Variants in LOXHD1 observed in about 807,000 individuals in gnomAD.
LOXHD1 encodes the protein lipoxygenase homology domain-containing protein 1.
A neutral mutation model predicts 248.2 loss-of-function variants in LOXHD1; 205 were observed. The observed-to-expected ratio is 0.83, with a 90% CI of 0.74 to 0.93. LOXHD1 has a LOEUF of 0.93. Among genes scored for constraint, LOXHD1 ranks in the 40% least tolerant of loss-of-function variants. The pLI is 0.00. For missense variants in LOXHD1, 2,930 were observed against 2,971.6 expected (o/e 0.99, Z 0.33); for synonymous variants, 1,113 against 1,162.8 (o/e 0.96, Z 0.87).
In LOXHD1 at chr18:46,483,672, C is replaced by G; in HGVS notation, c.6256G>C (p.Ala2086Pro). 1.3e-6 allele frequency: 2 copies of G among 1,551,718 alleles called. No individual in the cohort carries two copies. The highest frequency in any genetic ancestry group is 1.7e-6 in the Non-Finnish European group (2 of 1,146,986). The change falls in exon 40 of 41, where the codon GCC becomes CCC. Residue 2086 changes from alanine to proline, a missense_variant. Coordinates refer to ENST00000642948, the MANE Select transcript of LOXHD1 (RefSeq NM_001384474.1). ...DIASLCVGHL[A>P]REDRFIPKRE... ...TTGGGGATAAACCGGTCTTCCCTGG[C>G]AAGGTGGCCCACACAGAGGGAGGCA...
Position 46,541,718 on chromosome 18 carries a change from G to A in LOXHD1, c.3913+58C>T, listed in dbSNP as rs150994738. On this transcript the variant is annotated intron_variant, in intron 25 of 40. Coordinates refer to ENST00000642948, the MANE Select transcript of LOXHD1 (RefSeq NM_001384474.1). The stretch of plus-strand genomic sequence containing the variant: ...CTGAAGGAAGAACTGGGGCTGAGTT[G>A]GGGTAGCTGGTGATGGGGCCCCAGA... The A allele has an allele frequency of 5.9e-3, 9,011 of 1,527,084 alleles. 54 individuals carry two copies. Among genetic ancestry groups the A allele is most frequent in the Middle Eastern group, 0.016 (87 of 5,612 alleles). 94.6% of individuals were successfully genotyped at this position (1,527,084 alleles called of 1,614,324 possible).
At chr18:46,633,249 CAG>C (rs777743307) in intron 4 of LOXHD1, among the ~76,000 whole-genome samples, 1 of 152,186 alleles carries the variant, frequency 6.6e-6, no homozygotes, top group Non-Finnish European at 1.5e-5. Flanking sequence ...AGTAATCAAA[CAG>C]TGTGGTAGTG....
chr18:46,603,383 A>T (rs1048837277), intron 7 of LOXHD1, among the ~76,000 whole-genome samples: 1 of 152,120 alleles, frequency 6.6e-6, no homozygotes, highest in Non-Finnish European at 1.5e-5. Flanking sequence ...CTCTGTGGGT[A>T]GGATGAATGG....
intron 37 of LOXHD1, among the ~76,000 whole-genome samples, chr18:46,501,054 G>T (rs1412603423): frequency 6.6e-6 from 1 of 152,158 alleles, no homozygotes; most frequent in Admixed American, 6.5e-5. Flanking sequence ...CAGGAATCTT[G>T]TCTGCTGCTC....
intron 25 of LOXHD1, among the ~76,000 whole-genome samples, chr18:46,541,183 T>C (rs909384582): frequency 3.3e-5 from 5 of 152,300 alleles, no homozygotes; most frequent in South Asian, 4.1e-4. Context: ...GTGTCAAAAC[T>C]TCACTAAATT....
chr18:46,595,009 A>G (rs2038235913), intron 8 of LOXHD1, among the ~76,000 whole-genome samples: 1 of 152,230 alleles, frequency 6.6e-6, no homozygotes, highest in South Asian at 2.1e-4. Context: ...GGCACACTAC[A>G]GAATCCTCTA....
chr18:46,528,964 C>T (rs1265929575), intron 29 of LOXHD1, among the ~76,000 whole-genome samples: 2 of 152,214 alleles, frequency 1.3e-5, no homozygotes, highest in Admixed American at 1.3e-4. Flanking sequence ...TCTGCTCCAC[C>T]TCATCCCCTA....
intron 39 of LOXHD1, among the ~76,000 whole-genome samples, chr18:46,484,755 T>TA (rs2032895001): frequency 1.3e-5 from 2 of 152,112 alleles, no homozygotes; most frequent in African/African-American, 2.4e-5. Context: ...CTTGTCTACG[T>TA]AGATGTGGGG....
At position 46,620,628 on chromosome 18, in the gene LOXHD1, T is replaced by C. The variant is rs532110283; in HGVS notation, c.512-2338A>G. 3.1e-4 allele frequency among the ~76,000 whole-genome samples: 46 copies of C among 150,582 alleles called. No homozygotes were observed. In the East Asian group the frequency reaches 5.7e-3, roughly 19 times the overall value. On this transcript the variant is annotated intron_variant, in intron 4 of 40. Coordinates refer to ENST00000642948, the MANE Select transcript of LOXHD1 (RefSeq NM_001384474.1). Reference sequence around the variant, plus strand: ...GGATGCCCTTGGGTTGGGGAGGGAGTTTCCCATCCCTAGAGACACCTGACA... The same window carrying C: ...GGATGCCCTTGGGTTGGGGAGGGAGCTTCCCATCCCTAGAGACACCTGACA...
rs1302400918 is a variant in LOXHD1 at position 46,518,266 on chromosome 18, G to A, written c.5272-10C>T. The A allele has an allele frequency of 1.9e-6, 3 of 1,550,652 alleles. No individual in the cohort carries two copies. The highest frequency in any genetic ancestry group is 2.6e-6 in the Non-Finnish European group (3 of 1,146,092). The stretch of plus-strand genomic sequence containing the variant: ...TCATTTCATAGAGAACCTGCCATGA[G>A]AGGAATGCAGGTGCTGAGTCTCAGC... On this transcript the variant is annotated splice_polypyrimidine_tract_variant and intron_variant, in intron 33 of 40. Transcript: ENST00000642948.
Position 46,657,134 on chromosome 18 carries a change from C to A in LOXHD1, c.-101G>T. 1 of 1,534,394 alleles carries A rather than the reference C, an allele frequency of 6.5e-7. No individual in the cohort carries two copies. The highest frequency in any genetic ancestry group is 1.2e-5 in the South Asian group (1 of 82,002). On this transcript the variant is annotated 5_prime_UTR_variant, in exon 1 of 41. Coordinates refer to ENST00000642948, the MANE Select transcript of LOXHD1 (RefSeq NM_001384474.1). The stretch of plus-strand genomic sequence containing the variant: ...CTCCCTGAGCTCTGGCGCCCACGGC[C>A]CTCCTATAGCTCAGGCCTGGGTGGG...
intron 26 of LOXHD1, 102 bp downstream of exon 26, chr18:46,538,054 T>C: frequency 9.5e-7 from 1 of 1,049,222 alleles, no homozygotes; most frequent in African/African-American, 1.6e-5. Flanking sequence ...CTAATAGCAG[T>C]GCATCAGGAT....
intron 12 of LOXHD1, among the ~76,000 whole-genome samples, chr18:46,585,516 A>G (rs1207480860): frequency 3.3e-5 from 5 of 152,176 alleles, no homozygotes; most frequent in Admixed American, 6.5e-5. Context: ...TCTGGAAACC[A>G]CAAAATATTT....
chr18:46,645,239 G>A (rs1196586570), intron 2 of LOXHD1, among the ~76,000 whole-genome samples: 1 of 152,232 alleles, frequency 6.6e-6, no homozygotes, highest in African/African-American at 2.4e-5. Flanking sequence ...CGGGTCAAAG[G>A]AAATCTTAGA....
At chr18:46,619,041 T>C (rs1223725086) in intron 4 of LOXHD1, among the ~76,000 whole-genome samples, 1 of 151,984 alleles carries the variant, frequency 6.6e-6, no homozygotes, top group African/African-American at 2.4e-5. Flanking sequence ...CCTGCCCAGG[T>C]CTCCCCAGCT....
chr18:46,639,717 C>A lies in LOXHD1; in HGVS notation c.410G>T (p.Arg137Leu). ...IVTDMKRPHL[R>L]YYFNCNNWLS... The stretch of plus-strand genomic sequence containing the variant: ...CCAGTTGTTGCAGTTGAAGTAGTAA[C>A]GGAGATGAGGCCTCTTCATGTCGGT... The change falls in exon 4 of 41, where the codon CGT (arginine) becomes CTT (leucine). Residue 137 changes from arginine to leucine, a missense_variant. By Grantham distance (102) the Arg-to-Leu change is moderately radical. Coordinates refer to ENST00000642948, the MANE Select transcript of LOXHD1 (RefSeq NM_001384474.1). 1.3e-6 allele frequency: 2 copies of A among 1,551,676 alleles called. No homozygotes were observed. The highest frequency in any genetic ancestry group is 1.7e-6 in the Non-Finnish European group (2 of 1,146,988).
intron 10 of LOXHD1, 136 bp downstream of exon 10, chr18:46,593,464 G>T: frequency 1.1e-6 from 1 of 895,048 alleles, no homozygotes; most frequent in Non-Finnish European, 1.7e-6. Flanking sequence ...CCCTTTGCAG[G>T]GACCTAAAAT....
At chr18:46,643,398 T>C (rs1003021638) in intron 2 of LOXHD1, among the ~76,000 whole-genome samples, 25 of 152,192 alleles carry the variant, frequency 1.6e-4, no homozygotes, top group Admixed American at 1.4e-3. Flanking sequence ...AGACAGAGAA[T>C]GTCGACTGTT....
chr18:46,480,498 G>A (rs1033502549), intron 40 of LOXHD1, among the ~76,000 whole-genome samples: 2 of 152,052 alleles, frequency 1.3e-5, no homozygotes, highest in African/African-American at 4.8e-5. Flanking sequence ...CATTATTTTT[G>A]ATGGCTGAAA....
Sources: gnomAD v4.1 joint callset for allele counts (sites outside exome capture counted in the v4.1 genomes callset) on GRCh38, gnomAD v4.1.1 for gene constraint, MANE v1.5 for transcripts, NCBI Gene and HGNC (gene_info 2026-07-23, HGNC 2026-07-21) for gene names.